ARHGAP5: variants seen among roughly 807,000 people sequenced by gnomAD.
ARHGAP5 encodes the protein rho GTPase-activating protein 5.
Under a neutral mutation model 116.6 loss-of-function variants are expected in ARHGAP5, and 23 were observed. That is an observed-to-expected ratio of 0.20 (90% CI 0.14 to 0.28). The LOEUF is 0.28. ARHGAP5 is among the 10% of genes least tolerant of loss of function. The pLI is 1.00. For missense variants in ARHGAP5, 1,405 were observed against 1,774.8 expected, an observed-to-expected ratio of 0.79 and a Z score of 3.74; for synonymous variants, 574 against 602.0, an observed-to-expected ratio of 0.95 and a Z score of 0.68.
chr14:32,078,455 G>A (rs2041736529), intron 1 of ARHGAP5, among the ~76,000 whole-genome samples: 1 of 152,104 alleles, frequency 6.6e-6, no homozygotes, highest in East Asian at 1.9e-4. Context: ...CATATAGATG[G>A]GTTTGTGCTT....
intron 3 of ARHGAP5, among the ~76,000 whole-genome samples, chr14:32,130,064 G>A (rs924493619): frequency 1.3e-5 from 2 of 151,566 alleles, no homozygotes; most frequent in African/African-American, 4.8e-5. Context: ...CTCTGCCTCT[G>A]AAGTAAATAC....
chr14:32,102,968 T>A (rs965545871), intron 2 of ARHGAP5, among the ~76,000 whole-genome samples: 1 of 152,244 alleles, frequency 6.6e-6, no homozygotes, highest in African/African-American at 2.4e-5. Flanking sequence ...AAATTAAATA[T>A]GTTTTATATT....
In ARHGAP5 at chr14:32,090,520, C is replaced by T. The variant is rs1878190270; in HGVS notation, c.-150C>T. The T allele has an allele frequency of 3.0e-6, 2 of 657,268 alleles. No homozygotes were observed. The highest frequency in any genetic ancestry group is 2.5e-6 in the Non-Finnish European group (1 of 396,200). 40.7% of individuals were successfully genotyped at this position (657,268 alleles called of 1,614,324 possible). A position where few individuals can be genotyped will look rare whatever the true frequency, so the allele number is the denominator to read the frequency against. Reference sequence around the variant, plus strand: ...TCTATAGGAAGATGATCCCTATGATCTTGAAGATGTTTCTGCACAGAAATG... The same window carrying T: ...TCTATAGGAAGATGATCCCTATGATTTTGAAGATGTTTCTGCACAGAAATG... On this transcript the variant is annotated 5_prime_UTR_variant, in exon 2 of 7. Coordinates refer to ENST00000345122, the MANE Select transcript of ARHGAP5 (RefSeq NM_001030055.2).
intron 3 of ARHGAP5, among the ~76,000 whole-genome samples, chr14:32,127,871 G>A (rs1181993736): frequency 1.3e-5 from 2 of 149,320 alleles, no homozygotes; most frequent in African/African-American, 5.0e-5. Flanking sequence ...CGGGCGGAGG[G>A]GCTCCTCACT....
intron 6 of ARHGAP5, chr14:32,154,063 A>G (rs1341935771): frequency 6.5e-6 from 1 of 152,858 alleles, no homozygotes; most frequent in Non-Finnish European, 1.5e-5. Flanking sequence ...GTAGTCAAAG[A>G]AGTTACATAT....
rs963734547 is a variant in ARHGAP5 at position 32,156,479 on chromosome 14, A to G, written c.*1531A>G. Reference sequence around the variant, plus strand: ...TTCCAATTTTAACTTCAGAACCAAGATGTTGGCATGAACCAGGCTGCTGTT... The same window carrying G: ...TTCCAATTTTAACTTCAGAACCAAGGTGTTGGCATGAACCAGGCTGCTGTT... On this transcript the variant is annotated 3_prime_UTR_variant, in exon 7 of 7. Transcript: ENST00000345122. 6.6e-6 allele frequency: 1 copy of G among 152,358 alleles called. No individual in the cohort carries two copies. Among genetic ancestry groups the G allele is most frequent in the Non-Finnish European group, 1.5e-5 (1 of 67,814 alleles). 9.4% of individuals were successfully genotyped at this position (152,358 alleles called of 1,614,324 possible). A position where few individuals can be genotyped will look rare whatever the true frequency, so the allele number is the denominator to read the frequency against.
chr14:32,088,897 T>C (rs1190930490), intron 1 of ARHGAP5, among the ~76,000 whole-genome samples: 2 of 151,960 alleles, frequency 1.3e-5, no homozygotes, highest in Non-Finnish European at 2.9e-5. Flanking sequence ...ATGAAGGAAC[T>C]GTCTTAAGAG....
At chr14:32,102,856 C>T (rs566249393) in intron 2 of ARHGAP5, among the ~76,000 whole-genome samples, 3 of 152,310 alleles carry the variant, frequency 2.0e-5, no homozygotes, top group Non-Finnish European at 4.4e-5. Context: ...TTGGTAAATG[C>T]CTACTGTGCC....
At position 32,093,938 on chromosome 14, in the gene ARHGAP5, A is replaced by T; in HGVS notation, c.3269A>T (p.Asn1090Ile). The T allele has an allele frequency of 6.2e-7, 1 of 1,614,104 alleles. No individual in the cohort carries two copies. Among genetic ancestry groups the T allele is most frequent in the Non-Finnish European group, 8.5e-7 (1 of 1,180,012 alleles). Residue 1090 changes from asparagine (N) to isoleucine (I), a missense_variant, in exon 2 of 7, where the codon AAC (asparagine) becomes ATC (isoleucine). Asn to Ile is a moderately radical substitution (Grantham distance 149, BLOSUM62 -3). Around this residue, in one of 6 missense-constraint regions of ARHGAP5, gnomAD observed 944 missense variants for 1,095.3 expected, o/e 0.86. Coordinates refer to ENST00000345122, the MANE Select transcript of ARHGAP5 (RefSeq NM_001030055.2). ...AHPEDMDPSD[N>I]YAEPIDTIFK... ...CCTGAAGATATGGATCCTTCAGATA[A>T]CTATGCGGAACCCATTGATACAATT...
At chr14:32,081,207 TAGAA>T (rs1195953188) in intron 1 of ARHGAP5, among the ~76,000 whole-genome samples, 1 of 152,092 alleles carries the variant, frequency 6.6e-6, no homozygotes, top group Non-Finnish European at 1.5e-5. Context: ...TAAAAGTTAG[TAGAA>T]AGGAATTTAG....
intron 3 of ARHGAP5, among the ~76,000 whole-genome samples, chr14:32,137,679 T>C (rs1880878234): frequency 6.6e-6 from 1 of 152,026 alleles, no homozygotes; most frequent in African/African-American, 2.4e-5. Flanking sequence ...TTTAAAAATA[T>C]TTAGCCTTCC....
chr14:32,079,827 T>C (rs1249440683), intron 1 of ARHGAP5, among the ~76,000 whole-genome samples: 1 of 152,166 alleles, frequency 6.6e-6, no homozygotes, highest in African/African-American at 2.4e-5. Flanking sequence ...TTTTAAGAAC[T>C]ATTTATTTGG....
chr14:32,155,075 T>C lies in ARHGAP5; in HGVS notation c.*127T>C, dbSNP rs1013669434. 15 of 788,782 alleles carry C rather than the reference T, an allele frequency of 1.9e-5. No homozygotes were observed. Among genetic ancestry groups the C allele is most frequent in the South Asian group, 1.1e-4 (6 of 53,230 alleles). The allele number at this position is 788,782 out of a possible 1,614,324, so 48.9% of individuals were successfully genotyped here. A position where few individuals can be genotyped will look rare whatever the true frequency, so the allele number is the denominator to read the frequency against. ...CACATTCAAAATTACATTTTCTCTT[T>C]GAACTAGATGGTATTCCTTATTCAC... On this transcript the variant is annotated 3_prime_UTR_variant, in exon 7 of 7. Coordinates refer to ENST00000345122, the MANE Select transcript of ARHGAP5 (RefSeq NM_001030055.2).
At chr14:32,147,271 C>T (rs942798868) in intron 4 of ARHGAP5, among the ~76,000 whole-genome samples, 1 of 152,114 alleles carries the variant, frequency 6.6e-6, no homozygotes, top group African/African-American at 2.4e-5. Flanking sequence ...AGTTGATAGA[C>T]TGGACTATGT....
In ARHGAP5 at chr14:32,093,836, C is replaced by T. The variant is rs1424368329; in HGVS notation, c.3167C>T (p.Pro1056Leu). Residue 1056 changes from proline (P) to leucine (L), a missense_variant, in exon 2 of 7, where the codon CCA becomes CTA. Transcript: ENST00000345122. Reference sequence around the variant, plus strand: ...AAGACAAATGTGAAAAAACTCGATCCAAACCTTTTAAAAACAATTGAAGCT... The same window carrying T: ...AAGACAAATGTGAAAAAACTCGATCTAAACCTTTTAAAAACAATTGAAGCT... ...VPKTNVKKLD[P>L]NLLKTIEAGI... is the part of the protein sequence containing the mutation. The T allele has an allele frequency of 6.2e-7, 1 of 1,613,624 alleles. No homozygotes were observed. The highest frequency in any genetic ancestry group is 2.2e-5 in the East Asian group (1 of 44,874).
intron 2 of ARHGAP5, among the ~76,000 whole-genome samples, chr14:32,095,401 GTT>G (rs869055864): frequency 1.7e-5 from 2 of 121,016 alleles, no homozygotes; most frequent in African/African-American, 3.1e-5. Context: ...TGTAAACTTT[GTT>G]TTTTTTTTTT....
rs987291247 is a variant in ARHGAP5 at position 32,077,478 on chromosome 14, C to G, written c.-169+43C>G. 5.8e-6 allele frequency: 4 copies of G among 684,988 alleles called. No individual in the cohort carries two copies. The Admixed American group carries it at 6.3e-5, about 11-fold the overall frequency. The allele number at this position is 684,988 out of a possible 1,614,324, so 42.4% of individuals were successfully genotyped here. On this transcript the variant is annotated intron_variant, in intron 1 of 6. Coordinates refer to ENST00000345122, the MANE Select transcript of ARHGAP5 (RefSeq NM_001030055.2). ...CCGCTCCTCCAAGCCTGCCTGCCCCCTCCCGGACGGGGACCCTCCTGCGGC... is the reference window on the plus strand; with the variant it reads ...CCGCTCCTCCAAGCCTGCCTGCCCCGTCCCGGACGGGGACCCTCCTGCGGC...
At chr14:32,105,746 T>A (rs775699507) in intron 2 of ARHGAP5, among the ~76,000 whole-genome samples, 1 of 152,184 alleles carries the variant, frequency 6.6e-6, no homozygotes, top group Non-Finnish European at 1.5e-5. Context: ...AATTAACTTG[T>A]TTTGTCTTTT....
At chr14:32,135,025 C>T (rs1053832854) in intron 3 of ARHGAP5, among the ~76,000 whole-genome samples, 2 of 152,148 alleles carry the variant, frequency 1.3e-5, no homozygotes, top group Non-Finnish European at 2.9e-5. Flanking sequence ...GCCCACATAC[C>T]ATTAATTGCC....
Sources: allele counts gnomAD v4.1 joint callset (sites outside exome capture counted in the v4.1 genomes callset), GRCh38; gene constraint gnomAD v4.1.1; regional missense constraint gnomAD v4.1.1; transcripts MANE v1.5; gene names NCBI Gene and HGNC (gene_info 2026-07-23, HGNC 2026-07-21).